SVEP1: variants seen among roughly 807,000 people sequenced by gnomAD.
The protein encoded by SVEP1 is sushi, von Willebrand factor type A, EGF and pentraxin domain containing 1.
A neutral mutation model predicts 367.3 loss-of-function variants in SVEP1; 164 were observed. The ratio of observed to expected loss-of-function variants is 0.45; its 90% CI spans 0.39 to 0.51. SVEP1 has a LOEUF of 0.51. SVEP1 is among the 20% of genes least tolerant of loss of function. The pLI is 0.00. For missense variants in SVEP1, 4,117 were observed against 4,425.3 expected, an observed-to-expected ratio of 0.93 and a Z score of 1.98; for synonymous variants, 1,666 against 1,611.6, an observed-to-expected ratio of 1.03 and a Z score of -0.81.
At chr9:110,546,821 C>T (rs1830226857) in intron 2 of SVEP1, among the ~76,000 whole-genome samples, 1 of 152,220 alleles carries the variant, frequency 6.6e-6, no homozygotes, top group Non-Finnish European at 1.5e-5. Context: ...ATTCTTATTA[C>T]TTGAGCCATG....
At chr9:110,542,425 G>A (rs551630098) in intron 3 of SVEP1, among the ~76,000 whole-genome samples, 4 of 152,004 alleles carry the variant, frequency 2.6e-5, no homozygotes, top group Non-Finnish European at 5.9e-5. Context: ...TCTGCAGTGA[G>A]GATAAATACT....
rs575885341 is a variant in SVEP1 at position 110,569,350 on chromosome 9, G to A, written c.531+9663C>T. ...GCATGCCTGTAATCCCAGCTACTTG[G>A]GAGGCTGAGGCAGAAGGATCACTTG... On this transcript the variant is annotated intron_variant, in intron 1 of 47. Transcript: ENST00000374469. 2.5e-4 allele frequency among the ~76,000 whole-genome samples: 38 copies of A among 151,934 alleles called. No homozygotes were observed. The South Asian group carries it at 2.9e-3, about 12-fold the overall frequency.
intron 17 of SVEP1, among the ~76,000 whole-genome samples, chr9:110,466,851 C>T (rs932142492): frequency 6.6e-6 from 1 of 151,628 alleles, no homozygotes; most frequent in African/African-American, 2.4e-5. Context: ...ATCCAAGGAC[C>T]AGTGGGGAGT....
chr9:110,488,488 A>AG (rs1829319335), intron 9 of SVEP1, among the ~76,000 whole-genome samples: 1 of 151,864 alleles, frequency 6.6e-6, no homozygotes, highest in South Asian at 2.1e-4. Context: ...AAAATAATGG[A>AG]GGGAAAAAAA....
intron 32 of SVEP1, among the ~76,000 whole-genome samples, 160 bp downstream of exon 32, chr9:110,431,755 G>A (rs1370271204): frequency 1.3e-5 from 2 of 152,142 alleles, no homozygotes; most frequent in East Asian, 3.8e-4. Context: ...ACTTTTAGTT[G>A]TTACTGATGT....
At chr9:110,539,181 G>A (rs1345550053) in intron 3 of SVEP1, among the ~76,000 whole-genome samples, 1 of 151,978 alleles carries the variant, frequency 6.6e-6, no homozygotes, top group African/African-American at 2.4e-5. Flanking sequence ...GATACCAAAC[G>A]AATTAGAAAG....
At chr9:110,488,958 G>T (rs62569943) in intron 9 of SVEP1, among the ~76,000 whole-genome samples, 27,801 of 152,170 alleles carry the variant, frequency 0.18, 3,123 homozygotes, top group South Asian at 0.27. Flanking sequence ...TAACACCAGA[G>T]ATCATTGGTG....
At chr9:110,542,566 T>A (rs1337194064) in intron 3 of SVEP1, among the ~76,000 whole-genome samples, 4 of 152,192 alleles carry the variant, frequency 2.6e-5, no homozygotes, top group Admixed American at 2.6e-4. Context: ...TTCTTCATAC[T>A]ATGGACATTT....
intron 9 of SVEP1, among the ~76,000 whole-genome samples, chr9:110,484,873 A>C (rs1829252847): frequency 6.6e-6 from 1 of 152,228 alleles, no homozygotes; most frequent in African/African-American, 2.4e-5. Context: ...GCAAATCAAA[A>C]CCACAATGAG....
At chr9:110,506,595 C>T (rs1345950214) in intron 5 of SVEP1, among the ~76,000 whole-genome samples, 1 of 152,216 alleles carries the variant, frequency 6.6e-6, no homozygotes, top group Non-Finnish European at 1.5e-5. Flanking sequence ...TTCAATCCAT[C>T]AGTTCCCACA....
At chr9:110,367,750 C>T (rs150477576) in intron 47 of SVEP1, among the ~76,000 whole-genome samples, 7 of 152,206 alleles carry the variant, frequency 4.6e-5, no homozygotes, top group African/African-American at 1.7e-4. Context: ...ACTATGTCTC[C>T]GGATACTGTA....
intron 5 of SVEP1, 117 bp downstream of exon 5, chr9:110,512,809 T>C: frequency 8.4e-7 from 1 of 1,184,272 alleles, no homozygotes; most frequent in Non-Finnish European, 1.2e-6. Flanking sequence ...TCTCTTTCTG[T>C]AGTATGGGGT....
intron 40 of SVEP1, among the ~76,000 whole-genome samples, chr9:110,394,874 G>C (rs970124187): frequency 2.6e-5 from 4 of 152,200 alleles, no homozygotes; most frequent in Non-Finnish European, 5.9e-5. Context: ...ATCTACGTCT[G>C]ATTGGTGTAC....
At chr9:110,573,852 T>C (rs1588114523) in intron 1 of SVEP1, among the ~76,000 whole-genome samples, 3 of 152,200 alleles carry the variant, frequency 2.0e-5, no homozygotes, top group Admixed American at 2.0e-4. Context: ...GGATTTCATG[T>C]AATTAAGTTC....
intron 3 of SVEP1, among the ~76,000 whole-genome samples, chr9:110,523,123 T>A (rs1194384380): frequency 6.6e-6 from 1 of 152,170 alleles, no homozygotes; most frequent in African/African-American, 2.4e-5. Context: ...TAGAATATAG[T>A]CCTTACTCTT....
intron 40 of SVEP1, among the ~76,000 whole-genome samples, chr9:110,392,798 C>T (rs1297957208): frequency 1.3e-5 from 2 of 152,000 alleles, no homozygotes; most frequent in Non-Finnish European, 2.9e-5. Flanking sequence ...TGTTTCAGTC[C>T]ATTGAAGTTA....
intron 18 of SVEP1, among the ~76,000 whole-genome samples, chr9:110,460,717 C>T (rs1306952807): frequency 6.6e-6 from 1 of 151,708 alleles, no homozygotes; most frequent in African/African-American, 2.4e-5. Flanking sequence ...GCACCCACTG[C>T]ACTCCAGCCT....
In SVEP1 at chr9:110,427,623, G is replaced by A; in HGVS notation, c.5943C>T (p.Phe1981=). 5 of 1,613,822 alleles carry A rather than the reference G, an allele frequency of 3.1e-6. No individual in the cohort carries two copies. Among genetic ancestry groups the A allele is most frequent in the Non-Finnish European group, 4.2e-6 (5 of 1,179,806 alleles). Residue 1981 remains phenylalanine (F), a synonymous_variant, in exon 36 of 48, where the codon TTC becomes TTT. Coordinates refer to ENST00000374469, the MANE Select transcript of SVEP1 (RefSeq NM_153366.4). The part of the protein sequence containing the change: ...DAVITGNNFT[F]RNTVTYTCKE... The stretch of plus-strand genomic sequence containing the variant: ...TGCAAGTGTAAGTGACGGTGTTCCT[G>A]AAAGTGAAGTTATTCCCCGTAATGA...
intron 1 of SVEP1, among the ~76,000 whole-genome samples, chr9:110,570,878 T>G (rs914717458): frequency 1.3e-5 from 2 of 152,022 alleles, no homozygotes; most frequent in African/African-American, 4.8e-5. Flanking sequence ...TTTATCTTGA[T>G]CCTGGCCAGG....
Sources: gnomAD v4.1 joint callset for allele counts (sites outside exome capture counted in the v4.1 genomes callset) on GRCh38, gnomAD v4.1.1 for gene constraint, MANE v1.5 for transcripts, NCBI Gene and HGNC (gene_info 2026-07-23, HGNC 2026-07-21) for gene names.